Variants in HS6ST3 observed in about 807,000 individuals in gnomAD.
HS6ST3 encodes the protein heparan sulfate 6-O-sulfotransferase 3.
In HS6ST3, 12 loss-of-function variants were observed where a neutral mutation model predicts 36.7. The ratio of observed to expected loss-of-function variants is 0.33; its 90% confidence interval spans 0.21 to 0.53. The LOEUF (loss-of-function observed/expected upper bound fraction) is 0.53. Ranked by LOEUF, HS6ST3 falls within the 20% of genes least tolerant of loss-of-function variation. HS6ST3 has a pLI of 0.95. For synonymous variants in HS6ST3, 240 were observed against 257.5 expected (o/e 0.93, Z 0.65); for missense variants, 584 against 640.9 (o/e 0.91, Z 0.96).
At chr13:96,336,337 A>G (rs1027347376) in intron 1 of HS6ST3, among the ~76,000 whole-genome samples, 2 of 152,130 alleles carry the variant, frequency 1.3e-5, no homozygotes, top group Non-Finnish European at 2.9e-5. Flanking sequence ...CATTTTAGGT[A>G]TTATCTACTG....
chr13:96,656,548 A>T (rs996959262), intron 1 of HS6ST3, among the ~76,000 whole-genome samples: 5 of 152,174 alleles, frequency 3.3e-5, no homozygotes, highest in Non-Finnish European at 7.3e-5. Context: ...GAAACAAAAG[A>T]GATGATGAAA....
At chr13:96,216,208 C>CT (rs1487917012) in intron 1 of HS6ST3, among the ~76,000 whole-genome samples, 1 of 152,192 alleles carries the variant, frequency 6.6e-6, no homozygotes, top group Non-Finnish European at 1.5e-5. Context: ...TGCACAATTT[C>CT]TGGTCAATCA....
rs937550719 is a variant in HS6ST3 at position 96,620,349 on chromosome 13, C to T, written c.708-212141C>T. On this transcript the variant is annotated intron_variant, in intron 1 of 1. Transcript: ENST00000376705. Reference sequence around the variant, plus strand: ...TGGACTGTTAGAGCCCAAGAGGCTACGGTAATCTAAAAATGAACTAGTTAG... The same window carrying T: ...TGGACTGTTAGAGCCCAAGAGGCTATGGTAATCTAAAAATGAACTAGTTAG... Among the ~76,000 whole-genome samples, 3 of 152,072 alleles carry T rather than the reference C, an allele frequency of 2.0e-5. 1 individual carries two copies. The highest frequency in any genetic ancestry group is 4.1e-4 in the South Asian group (2 of 4,828).
intron 1 of HS6ST3, among the ~76,000 whole-genome samples, chr13:96,091,774 C>T (rs921715975): frequency 6.6e-6 from 1 of 152,136 alleles, no homozygotes; most frequent in East Asian, 1.9e-4. Flanking sequence ...GCCCCCACCG[C>T]TTCCCGCCAC....
At chr13:96,487,170 G>A (rs2138902529) in intron 1 of HS6ST3, among the ~76,000 whole-genome samples, 1 of 152,092 alleles carries the variant, frequency 6.6e-6, no homozygotes, top group South Asian at 2.1e-4. Flanking sequence ...AAGGAGATCT[G>A]ACTCCTTTTG....
At chr13:96,093,728 C>T (rs1345678939) in intron 1 of HS6ST3, among the ~76,000 whole-genome samples, 2 of 152,088 alleles carry the variant, frequency 1.3e-5, no homozygotes, top group African/African-American at 4.8e-5. Context: ...ATGTGAAGTG[C>T]CCTGCATCAA....
chr13:96,704,771 A>G (rs1875377187), intron 1 of HS6ST3, among the ~76,000 whole-genome samples: 1 of 152,124 alleles, frequency 6.6e-6, no homozygotes, highest in Admixed American at 6.5e-5. Context: ...AAATTCCCCC[A>G]AATTCCTAAA....
rs959061228 is a variant in HS6ST3 at position 96,227,799 on chromosome 13, G to A, written c.707+136230G>A. On this transcript the variant is annotated intron_variant, in intron 1 of 1. Coordinates refer to ENST00000376705, the MANE Select transcript of HS6ST3 (RefSeq NM_153456.4). ...AATGTGCAGAAGGCCTTCATTGCAT[G>A]CTTCTTCATGATTGTTGGTGCAAGA... Among the ~76,000 whole-genome samples the A allele has an allele frequency of 9.2e-5, 14 of 152,268 alleles. 2 individuals are homozygous for A. Among genetic ancestry groups the A allele is most frequent in the African/African-American group, 3.4e-4 (14 of 41,542 alleles).
At chr13:96,530,932 CA>C (rs2138934384) in intron 1 of HS6ST3, among the ~76,000 whole-genome samples, 1 of 152,246 alleles carries the variant, frequency 6.6e-6, no homozygotes, top group Non-Finnish European at 1.5e-5. Context: ...GATGATTCTG[CA>C]TTTCTGACAA....
At position 96,778,326 on chromosome 13, in the gene HS6ST3, G is replaced by T. The variant is rs145714890; in HGVS notation, c.708-54164G>T. Among the ~76,000 whole-genome samples the T allele has an allele frequency of 6.4e-4, 98 of 152,276 alleles. 2 individuals are homozygous for T. The highest frequency in any genetic ancestry group is 2.2e-3 in the African/African-American group (93 of 41,546). Reference sequence around the variant, plus strand: ...AACAAAAGCCAAAATTGACAAATGGGATCTAATTAAACTAAAGAGCTTCTG... The same window carrying T: ...AACAAAAGCCAAAATTGACAAATGGTATCTAATTAAACTAAAGAGCTTCTG... On this transcript the variant is annotated intron_variant, in intron 1 of 1. Transcript: ENST00000376705.
At chr13:96,510,136 A>G (rs1307442799) in intron 1 of HS6ST3, among the ~76,000 whole-genome samples, 3 of 132,320 alleles carry the variant, frequency 2.3e-5, no homozygotes, top group Non-Finnish European at 4.9e-5. Context: ...ATTTTATTTT[A>G]TTTTATTTGC....
At chr13:96,590,518 C>A (rs1217051164) in intron 1 of HS6ST3, among the ~76,000 whole-genome samples, 1 of 151,858 alleles carries the variant, frequency 6.6e-6, no homozygotes, top group African/African-American at 2.4e-5. Flanking sequence ...ATCTTTTGCC[C>A]ATTTTTAAAT....
chr13:96,367,789 GGAA>G (rs1455997493), intron 1 of HS6ST3, among the ~76,000 whole-genome samples: 7 of 152,110 alleles, frequency 4.6e-5, no homozygotes, highest in Admixed American at 3.3e-4. Context: ...CAACCTAATC[GGAA>G]GGGCTTGTCT....
At chr13:96,310,483 A>C (rs1245624465) in intron 1 of HS6ST3, among the ~76,000 whole-genome samples, 3 of 152,186 alleles carry the variant, frequency 2.0e-5, no homozygotes, top group African/African-American at 7.2e-5. Flanking sequence ...GAAAAAAAAC[A>C]AGTTAAATCT....
intron 1 of HS6ST3, among the ~76,000 whole-genome samples, chr13:96,373,298 G>A (rs2139442212): frequency 6.6e-6 from 1 of 152,138 alleles, no homozygotes; most frequent in South Asian, 2.1e-4. Flanking sequence ...ATCATTTTGA[G>A]GGCCACCATT....
At chr13:96,750,418 C>T (rs1876672005) in intron 1 of HS6ST3, among the ~76,000 whole-genome samples, 1 of 152,164 alleles carries the variant, frequency 6.6e-6, no homozygotes, top group South Asian at 2.1e-4. Context: ...AGGAGACAGG[C>T]CACATCCTTT....
At chr13:96,402,183 T>C (rs2055455465) in intron 1 of HS6ST3, among the ~76,000 whole-genome samples, 2 of 152,196 alleles carry the variant, frequency 1.3e-5, no homozygotes, top group African/African-American at 4.8e-5. Flanking sequence ...GTTGAACTTA[T>C]TAACTATCTA....
At chr13:96,755,741 CT>C (rs1876811942) in intron 1 of HS6ST3, among the ~76,000 whole-genome samples, 1 of 152,298 alleles carries the variant, frequency 6.6e-6, no homozygotes, top group African/African-American at 2.4e-5. Flanking sequence ...CATTTTCCTA[CT>C]AATAGACTTT....
At chr13:96,412,890 T>C (rs147149902) in intron 1 of HS6ST3, among the ~76,000 whole-genome samples, 1 of 150,116 alleles carries the variant, frequency 6.7e-6, no homozygotes, top group Non-Finnish European at 1.5e-5. Flanking sequence ...TTGGGCATAG[T>C]GAGTAATCAA....
Sources: allele counts gnomAD v4.1 joint callset (sites outside exome capture counted in the v4.1 genomes callset), GRCh38; gene constraint gnomAD v4.1.1; transcripts MANE v1.5; gene names NCBI Gene and HGNC (gene_info 2026-07-23, HGNC 2026-07-21).